The following MACROD2 variants were observed in gnomAD, a reference collection of about 807,000 sequenced individuals.
MACROD2 encodes mono-ADP ribosylhydrolase 2.
Under a neutral mutation model 70.4 loss-of-function variants are expected in MACROD2, and 36 were observed. That is an observed-to-expected ratio of 0.51 (90% confidence interval 0.39 to 0.68). The LOEUF (loss-of-function observed/expected upper bound fraction) is 0.68. MACROD2 is among the 30% of genes least tolerant of loss of function. The pLI is 0.00. For synonymous variants in MACROD2, 172 were observed against 178.8 expected (o/e 0.96, Z 0.30); for missense variants, 496 against 538.4 (o/e 0.92, Z 0.78).
intron 3 of MACROD2, among the ~76,000 whole-genome samples, chr20:14,365,613 C>T (rs997552251): frequency 6.6e-6 from 1 of 151,868 alleles, no homozygotes; most frequent in African/African-American, 2.4e-5. Flanking sequence ...TTTCATTTAT[C>T]TCTGCTGTAA....
chr20:15,640,225 T>G (rs2049438445), intron 8 of MACROD2, among the ~76,000 whole-genome samples: 1 of 150,974 alleles, frequency 6.6e-6, no homozygotes, highest in African/African-American at 2.4e-5. Flanking sequence ...CATGCTAGAA[T>G]AAGGCAGATA....
At chr20:14,253,143 A>G (rs1367671379) in intron 3 of MACROD2, among the ~76,000 whole-genome samples, 1 of 152,004 alleles carries the variant, frequency 6.6e-6, no homozygotes, top group Non-Finnish European at 1.5e-5. Flanking sequence ...TTAGCACTCA[A>G]GGAGATTCTG....
intron 5 of MACROD2, among the ~76,000 whole-genome samples, chr20:14,860,919 A>G (rs1442451281): frequency 6.6e-6 from 1 of 151,972 alleles, no homozygotes; most frequent in Non-Finnish European, 1.5e-5. Context: ...ACTGAATTAG[A>G]TGGTCTCCAT....
rs200795036 is a variant in MACROD2 at position 15,444,203 on chromosome 20, A to G, written c.571+12768A>G. ...TTGTGACTACTTTCCTTCATGTAGC[A>G]AAATATATTCAAAGTTCGTCCATGT... On this transcript the variant is annotated intron_variant, in intron 7 of 17. Transcript: ENST00000684519. 5.3e-5 allele frequency among the ~76,000 whole-genome samples: 8 copies of G among 152,298 alleles called. No individual in the cohort carries two copies. In the East Asian group the frequency reaches 1.4e-3, roughly 26 times the overall value.
At chr20:14,566,259 T>C (rs1979793597) in intron 4 of MACROD2, among the ~76,000 whole-genome samples, 1 of 151,920 alleles carries the variant, frequency 6.6e-6, no homozygotes, top group South Asian at 2.1e-4. Context: ...TCAATAAACG[T>C]GAAAATATGC....
chr20:15,832,762 A>G (rs6131730), intron 8 of MACROD2, among the ~76,000 whole-genome samples: 79,015 of 152,084 alleles, frequency 0.52, 22,274 homozygotes, highest in Non-Finnish European at 0.64. Context: ...GCTCAGTCAA[A>G]TCTCTGAGAG....
At chr20:14,097,422 A>C (rs1431430038) in intron 3 of MACROD2, among the ~76,000 whole-genome samples, 1 of 152,236 alleles carries the variant, frequency 6.6e-6, no homozygotes, top group Non-Finnish European at 1.5e-5. Context: ...GGTTATAGCC[A>C]AAAATTAATT....
chr20:15,502,608 A>G (rs923775817), intron 8 of MACROD2, among the ~76,000 whole-genome samples: 2 of 152,194 alleles, frequency 1.3e-5, no homozygotes, highest in African/African-American at 4.8e-5. Context: ...TGGCAGACCA[A>G]TTAAGAGGAT....
At chr20:14,929,460 G>A (rs1361414023) in intron 5 of MACROD2, 5 of 152,274 alleles carry the variant, frequency 3.3e-5, no homozygotes, top group African/African-American at 9.6e-5. Flanking sequence ...GGGAATCCAC[G>A]TCCTCGCTGG....
intron 5 of MACROD2, among the ~76,000 whole-genome samples, chr20:14,729,888 CTAAG>C: frequency 6.6e-6 from 1 of 151,888 alleles, no homozygotes; most frequent in East Asian, 1.9e-4. Flanking sequence ...AAGAATGTAA[CTAAG>C]TATTTGCATT....
At chr20:15,305,824 C>A (rs553052736) in intron 6 of MACROD2, among the ~76,000 whole-genome samples, 4 of 152,174 alleles carry the variant, frequency 2.6e-5, no homozygotes, top group Admixed American at 6.6e-5. Flanking sequence ...CTCTCAATCT[C>A]ATTCCCAGTT....
At chr20:15,450,128 A>G (rs1336677158) in intron 7 of MACROD2, among the ~76,000 whole-genome samples, 1 of 152,156 alleles carries the variant, frequency 6.6e-6, no homozygotes, top group African/African-American at 2.4e-5. Flanking sequence ...CTGTATGTCT[A>G]TACAAGCATA....
chr20:15,431,977 A>T (rs976581174), intron 7 of MACROD2, among the ~76,000 whole-genome samples: 3 of 152,060 alleles, frequency 2.0e-5, no homozygotes, highest in African/African-American at 7.2e-5. Flanking sequence ...TCACTTACAG[A>T]TGGAAGCAAA....
rs899371173 is a variant in MACROD2, at chr20:15,685,665, C to T, written c.646-177080C>T. Among the ~76,000 whole-genome samples, 6 of 151,966 alleles carry T rather than the reference C, an allele frequency of 3.9e-5. No homozygotes were observed. The South Asian group carries it at 6.2e-4, about 16-fold the overall frequency. The stretch of plus-strand genomic sequence containing the variant: ...TTCTAGTAAACCATGACCTTCTAAC[C>T]TCCAGGCTTTCACCTGGAACTCTTT... On this transcript the variant is annotated intron_variant, in intron 8 of 17. Coordinates refer to ENST00000684519, the MANE Select transcript of MACROD2 (RefSeq NM_001351661.2).
chr20:15,343,148 G>A (rs542800669), intron 6 of MACROD2, among the ~76,000 whole-genome samples: 1 of 152,348 alleles, frequency 6.6e-6, no homozygotes, highest in Admixed American at 6.5e-5. Flanking sequence ...GATCAGCCAG[G>A]CCTTCCGCTC....
chr20:15,138,544 A>T (rs949783234), intron 5 of MACROD2, among the ~76,000 whole-genome samples: 1 of 152,184 alleles, frequency 6.6e-6, no homozygotes, highest in African/African-American at 2.4e-5. Context: ...TTATTTGCTC[A>T]GCTAGATTGG....
chr20:14,707,823 A>G (rs555298114), intron 5 of MACROD2, among the ~76,000 whole-genome samples: 30 of 152,324 alleles, frequency 2.0e-4, no homozygotes, highest in African/African-American at 7.0e-4. Context: ...CTGACAGCAA[A>G]TATTTAATTA....
intron 6 of MACROD2, among the ~76,000 whole-genome samples, chr20:15,430,061 G>C (rs1169603068): frequency 1.3e-5 from 2 of 151,894 alleles, no homozygotes; most frequent in African/African-American, 4.8e-5. Flanking sequence ...TTAAAATAAT[G>C]GTCTCTAGTT....
chr20:14,002,260 A>C, intron 1 of MACROD2, 28 bp from the exon 2 acceptor site: 1 of 1,410,658 alleles, frequency 7.1e-7, no homozygotes, highest in Non-Finnish European at 9.8e-7. Context: ...GTTAAATACA[A>C]ATGGAGATTC....
Sources: gnomAD v4.1 joint callset for allele counts (sites outside exome capture counted in the v4.1 genomes callset) on GRCh38, gnomAD v4.1.1 for gene constraint, MANE v1.5 for transcripts, NCBI Gene and HGNC (gene_info 2026-07-23, HGNC 2026-07-21) for gene names.